The following DNAH12 variants were observed in gnomAD, a reference collection of about 807,000 sequenced individuals.
DNAH12 encodes axonemal beta dynein heavy chain 12.
DNAH12 carries 285 observed loss-of-function variants against 371.5 expected under a neutral mutation model. The ratio of observed to expected loss-of-function variants is 0.77; its 90% CI spans 0.70 to 0.85. The LOEUF (loss-of-function observed/expected upper bound fraction) is 0.85. DNAH12 is among the 40% of genes least tolerant of loss of function. The pLI is 0.00. For synonymous variants in DNAH12, 1,200 were observed against 1,213.0 expected (o/e 0.99, Z 0.22); for missense variants, 3,611 against 3,689.4 (o/e 0.98, Z 0.55).
chr3:57,535,476 T>A (rs991254075), intron 2 of DNAH12, among the ~76,000 whole-genome samples: 18 of 152,360 alleles, frequency 1.2e-4, no homozygotes, highest in Middle Eastern at 6.8e-3. Flanking sequence ...AGCACTATGC[T>A]CGTGAACTTC....
At chr3:57,505,425 T>C (rs997296370) in intron 8 of DNAH12, among the ~76,000 whole-genome samples, 13 of 152,114 alleles carry the variant, frequency 8.5e-5, no homozygotes, top group South Asian at 4.2e-4. Flanking sequence ...AATTTTGTTT[T>C]TGGTTTTGGT....
At chr3:57,352,864 G>A (rs560278164) in intron 59 of DNAH12, among the ~76,000 whole-genome samples, 2 of 152,048 alleles carry the variant, frequency 1.3e-5, no homozygotes, top group South Asian at 4.2e-4. Flanking sequence ...CGAGGTGGGT[G>A]GATCATTTGA....
intron 2 of DNAH12, among the ~76,000 whole-genome samples, chr3:57,541,889 A>AG (rs2069300435): frequency 6.6e-6 from 1 of 152,198 alleles, no homozygotes; most frequent in African/African-American, 2.4e-5. Context: ...CTGCAAAAAA[A>AG]GGTTTTTAAA....
rs2061843495 is a variant in DNAH12 at position 57,323,046 on chromosome 3, T to C, written c.10344A>G (p.Ser3448=). 6.4e-7 allele frequency: 1 copy of C among 1,552,298 alleles called. No individual in the cohort carries two copies. The highest frequency in any genetic ancestry group is 1.2e-5 in the South Asian group (1 of 84,064). ...AGCTTGTCAGCCAAAGCCTAAAGGA[T>C]GAGTTACAGGTTTCAGAGGTAAAAT... ...CEDFTSETCN[S]SFRLWLTSYP... is the part of the protein sequence containing the mutation. Residue 3448 remains serine (S), a synonymous_variant, in exon 64 of 74, where the codon TCA becomes TCG. Coordinates refer to ENST00000495027, the MANE Select transcript of DNAH12 (RefSeq NM_001366028.2).
At position 57,301,847 on chromosome 3, in the gene DNAH12, C is replaced by A; in HGVS notation, c.11282G>T (p.Gly3761Val). 2.6e-6 allele frequency: 4 copies of A among 1,551,620 alleles called. No homozygotes were observed. Among genetic ancestry groups the A allele is most frequent in the Non-Finnish European group, 3.5e-6 (4 of 1,146,986 alleles). The change falls in exon 70 of 74, where the codon GGT becomes GTT. Residue 3761 changes from glycine to valine, a missense_variant. Physicochemically the swap from Gly to Val is moderately radical, Grantham distance 109. Transcript: ENST00000495027. Reference protein sequence around the residue: ...VMDSALEALSGSLLVGKVPEI... With the variant: ...VMDSALEALSVSLLVGKVPEI... ...TGGAACCTTTCCAACAAGTAAGCTA[C>A]CGGAGAGTGCCTCCAATGCAGAATC...
chr3:57,419,836 T>C lies in DNAH12; in HGVS notation c.5563-318A>G, dbSNP rs546016608. Among the ~76,000 whole-genome samples the C allele has an allele frequency of 2.6e-5, 4 of 152,334 alleles. No individual in the cohort carries two copies. In the East Asian group the frequency reaches 5.8e-4, roughly 22 times the overall value. On this transcript the variant is annotated intron_variant, in intron 36 of 73. Coordinates refer to ENST00000495027, the MANE Select transcript of DNAH12 (RefSeq NM_001366028.2). ...AACATTTCAGATACTTTTGCCTTTA[T>C]GTCTTCTTAACACTCCAATATTCCC...
intron 2 of DNAH12, among the ~76,000 whole-genome samples, chr3:57,531,367 T>G (rs1423704349): frequency 2.0e-5 from 3 of 152,220 alleles, no homozygotes; most frequent in African/African-American, 7.2e-5. Context: ...TCCACTGAAG[T>G]CTGCTGCCAG....
At chr3:57,498,527 G>T in intron 11 of DNAH12, 1 of 716,766 alleles carries the variant, frequency 1.4e-6, no homozygotes. Context: ...ATACCACCCA[G>T]CAATCCAGCT....
At chr3:57,537,750 T>A (rs1226063453) in intron 2 of DNAH12, among the ~76,000 whole-genome samples, 1 of 150,950 alleles carries the variant, frequency 6.6e-6, no homozygotes, top group Non-Finnish European at 1.5e-5. Flanking sequence ...AGTGGCATGA[T>A]CTTGGCTCAC....
intron 39 of DNAH12, among the ~76,000 whole-genome samples, chr3:57,412,216 T>C (rs1484043210): frequency 6.6e-6 from 1 of 152,200 alleles, no homozygotes; most frequent in Non-Finnish European, 1.5e-5. Flanking sequence ...CCCTGTCTTT[T>C]AGCAAAAGAC....
chr3:57,444,448 T>G (rs993661320), intron 29 of DNAH12, among the ~76,000 whole-genome samples: 1 of 152,016 alleles, frequency 6.6e-6, no homozygotes, highest in African/African-American at 2.4e-5. Context: ...CATCTCAGCC[T>G]CCCAGAGTCC....
chr3:57,551,264 T>C, the DNAH12 span, among the ~76,000 whole-genome samples: 87 of 151,502 alleles, frequency 5.7e-4, no homozygotes, highest in Middle Eastern at 0.01. Flanking sequence ...TACAAAATTA[T>C]TTATTTATTT....
intron 65 of DNAH12, 121 bp downstream of exon 65, chr3:57,322,222 T>A (rs1473012403): frequency 9.0e-7 from 1 of 1,109,074 alleles, no homozygotes; most frequent in Admixed American, 3.2e-5. Flanking sequence ...TGTTAGGAAA[T>A]GCGTAAAGTT....
At chr3:57,360,922 T>G (rs2062913194) in intron 58 of DNAH12, among the ~76,000 whole-genome samples, 1 of 152,192 alleles carries the variant, frequency 6.6e-6, no homozygotes. Flanking sequence ...ACCATTTAAT[T>G]GTGTAAACTT....
At chr3:57,385,584 T>C (rs2063483427) in intron 47 of DNAH12, among the ~76,000 whole-genome samples, 155 bp from the exon 48 acceptor site, 1 of 152,196 alleles carries the variant, frequency 6.6e-6, no homozygotes, top group East Asian at 1.9e-4. Flanking sequence ...AACAAAACTA[T>C]GAAAGTGTGG....
chr3:57,411,831 T>G (rs1553683138), intron 39 of DNAH12, among the ~76,000 whole-genome samples: 1 of 152,154 alleles, frequency 6.6e-6, no homozygotes, highest in East Asian at 1.9e-4. Flanking sequence ...AGAAACTGAT[T>G]CTGAAGTTGA....
At position 57,453,062 on chromosome 3, in the gene DNAH12, T is replaced by A. The variant is rs541186916; in HGVS notation, c.3614-47A>T. 4 of 1,500,826 alleles carry A rather than the reference T, an allele frequency of 2.7e-6. No individual in the cohort carries two copies. In the South Asian group the frequency reaches 5.3e-5, roughly 20 times the overall value. The allele number at this position is 1,500,826 out of a possible 1,614,324, so 93.0% of individuals were successfully genotyped here. A position where few individuals can be genotyped will look rare whatever the true frequency, so the allele number is the denominator to read the frequency against. On this transcript the variant is annotated intron_variant, in intron 24 of 73. Coordinates refer to ENST00000495027, the MANE Select transcript of DNAH12 (RefSeq NM_001366028.2). ...AAGACACATGATCCTTAAATGGAAA[T>A]AATTTTAAAAAGAAGTATTTTATCT...
At chr3:57,327,398 C>G (rs1384274864) in intron 62 of DNAH12, among the ~76,000 whole-genome samples, 2 of 151,996 alleles carry the variant, frequency 1.3e-5, no homozygotes, top group Non-Finnish European at 2.9e-5. Context: ...ACTCAGGATT[C>G]AGAAACTCAC....
intron 55 of DNAH12, among the ~76,000 whole-genome samples, chr3:57,371,936 C>A (rs2063180502): frequency 6.3e-5 from 1 of 15,758 alleles, no homozygotes; most frequent in Non-Finnish European, 1.6e-4. Context: ...GAATTCTAAA[C>A]TCAGCAAAAA....
Sources: allele counts gnomAD v4.1 joint callset (sites outside exome capture counted in the v4.1 genomes callset), GRCh38; gene constraint gnomAD v4.1.1; transcripts MANE v1.5; gene names NCBI Gene and HGNC (gene_info 2026-07-23, HGNC 2026-07-21).